Variants in DLGAP2 observed in about 807,000 individuals in gnomAD.
DLGAP2 encodes disks large-associated protein 2.
Under a neutral mutation model 100.3 loss-of-function variants are expected in DLGAP2, and 26 were observed. The observed-to-expected ratio is 0.26, with a 90% CI of 0.19 to 0.36. DLGAP2 has a LOEUF of 0.36. DLGAP2 is among the 10% of genes least tolerant of loss of function. DLGAP2 has a pLI of 1.00. For synonymous variants in DLGAP2, 886 were observed against 630.1 expected, an observed-to-expected ratio of 1.41 and a Z score of -6.08; for missense variants, 1,858 against 1,453.2, an observed-to-expected ratio of 1.28 and a Z score of -4.53.
intron 1 of DLGAP2, among the ~76,000 whole-genome samples, chr8:803,624 T>C (rs1210908750): frequency 6.6e-6 from 1 of 151,954 alleles, no homozygotes; most frequent in Non-Finnish European, 1.5e-5. Context: ...GTGGGTTCAT[T>C]CTTTTATAAA....
intron 3 of DLGAP2, among the ~76,000 whole-genome samples, chr8:1,435,354 C>T (rs1462248294): frequency 6.6e-6 from 1 of 152,180 alleles, no homozygotes; most frequent in African/African-American, 2.4e-5. Context: ...TCACGCACCG[C>T]ACACGGGTGT....
intron 4 of DLGAP2, among the ~76,000 whole-genome samples, chr8:1,520,471 C>T (rs184965067): frequency 6.6e-5 from 10 of 152,280 alleles, no homozygotes; most frequent in African/African-American, 1.2e-4. Flanking sequence ...TCAGGGGTCA[C>T]GCTTGGCATG....
chr8:800,463 G>A (rs1364507375), intron 1 of DLGAP2, among the ~76,000 whole-genome samples: 2 of 152,164 alleles, frequency 1.3e-5, no homozygotes, highest in African/African-American at 4.8e-5. Context: ...CTCTCATGGC[G>A]GAGCAGCCTC....
At chr8:1,680,133 G>A (rs1798910335) in intron 12 of DLGAP2, among the ~76,000 whole-genome samples, 1 of 152,104 alleles carries the variant, frequency 6.6e-6, no homozygotes, top group South Asian at 2.1e-4. Context: ...GTTTAACACA[G>A]TACAATTTCA....
At chr8:1,197,146 C>T (rs1225396826) in intron 2 of DLGAP2, among the ~76,000 whole-genome samples, 1 of 152,226 alleles carries the variant, frequency 6.6e-6, no homozygotes, top group African/African-American at 2.4e-5. Flanking sequence ...ATTGCAGAGT[C>T]CAGTGCAGGT....
At chr8:1,561,331 G>A (rs998243795) in intron 5 of DLGAP2, among the ~76,000 whole-genome samples, 2 of 152,092 alleles carry the variant, frequency 1.3e-5, no homozygotes, top group African/African-American at 4.8e-5. Context: ...CTTTCAGCGC[G>A]GTCTGTATTC....
intron 2 of DLGAP2, among the ~76,000 whole-genome samples, chr8:1,063,208 C>T (rs1803141336): frequency 6.6e-6 from 1 of 152,194 alleles, no homozygotes; most frequent in Non-Finnish European, 1.5e-5. Context: ...GTCATTAAGA[C>T]CAACAACCTC....
intron 1 of DLGAP2, among the ~76,000 whole-genome samples, chr8:838,090 G>T (rs1308133193): frequency 6.6e-6 from 1 of 152,004 alleles, no homozygotes; most frequent in African/African-American, 2.4e-5. Context: ...TGTGGATCCT[G>T]TAGTGTGGAC....
intron 2 of DLGAP2, among the ~76,000 whole-genome samples, chr8:1,162,690 A>C (rs926531634): frequency 6.6e-6 from 1 of 152,220 alleles, no homozygotes; most frequent in Non-Finnish European, 1.5e-5. Flanking sequence ...TAATTCCATA[A>C]TATAGTTTAG....
intron 6 of DLGAP2, among the ~76,000 whole-genome samples, chr8:1,590,057 G>A (rs926096793): frequency 3.9e-5 from 6 of 152,146 alleles, no homozygotes; most frequent in South Asian, 2.1e-4. Flanking sequence ...CCCTCCTTCC[G>A]CCTCAGTGTC....
intron 3 of DLGAP2, among the ~76,000 whole-genome samples, chr8:1,411,146 A>G (rs1351287057): frequency 6.6e-6 from 1 of 152,138 alleles, no homozygotes; most frequent in African/African-American, 2.4e-5. Flanking sequence ...AACATCTCCT[A>G]ATTAAAATCG....
chr8:1,444,951 T>C (rs1164070690), intron 3 of DLGAP2, among the ~76,000 whole-genome samples: 1 of 151,730 alleles, frequency 6.6e-6, no homozygotes, highest in African/African-American at 2.4e-5. Flanking sequence ...TTTGTATTTT[T>C]AGTAGAGACA....
At chr8:1,331,684 G>C (rs190118216) in intron 3 of DLGAP2, among the ~76,000 whole-genome samples, 1 of 152,136 alleles carries the variant, frequency 6.6e-6, no homozygotes, top group Non-Finnish European at 1.5e-5. Context: ...AAAATATCCC[G>C]GATGTGAAAG....
At chr8:1,325,988 C>T (rs767390709) in intron 3 of DLGAP2, among the ~76,000 whole-genome samples, 4 of 152,128 alleles carry the variant, frequency 2.6e-5, no homozygotes, top group Admixed American at 2.0e-4. Context: ...TTTCTGCCTC[C>T]GGGTTAGCCA....
At chr8:1,417,100 G>A (rs1306466261) in intron 3 of DLGAP2, among the ~76,000 whole-genome samples, 4 of 151,488 alleles carry the variant, frequency 2.6e-5, no homozygotes, top group African/African-American at 9.7e-5. Flanking sequence ...GGGATGGGGG[G>A]GTGGGGGGGA....
At position 1,441,265 on chromosome 8, in the gene DLGAP2, CGTT is replaced by C. The variant is rs1176927593; in HGVS notation, c.107-60098_107-60096del. ...ATTTAATTATGTATATACTGCTTAT[CGTT>C]GTATTTTAAAATTGCATAAAATTAC... On this transcript the variant is annotated intron_variant, in intron 3 of 14. Transcript: ENST00000637795. 3.9e-5 allele frequency among the ~76,000 whole-genome samples: 6 copies of C among 152,116 alleles called. No individual in the cohort carries two copies. In the East Asian group the frequency reaches 9.6e-4, roughly 24 times the overall value.
chr8:1,083,990 C>T (rs908690626), intron 2 of DLGAP2, among the ~76,000 whole-genome samples: 3 of 151,960 alleles, frequency 2.0e-5, no homozygotes, highest in African/African-American at 7.3e-5. Flanking sequence ...AAGATAGGAC[C>T]CTGTGATTGT....
rs765813855 is a variant in DLGAP2, at chr8:1,626,782, C to G, written c.1485C>G (p.His495Gln). Reference protein sequence around the residue: ...LQAASDVPVGHSLDPAANYNS... With the variant: ...LQAASDVPVGQSLDPAANYNS... ...CTGCAAGCGATGTGCCTGTGGGACA[C>G]AGCCTGGACCCCGCTGCGAACTACA... is the stretch of plus-strand genomic sequence containing the variant. Residue 495 changes from histidine to glutamine, a missense_variant, in exon 7 of 15, where the codon CAC (histidine) becomes CAG (glutamine). Physicochemically the swap from His to Gln is conservative, Grantham distance 24. Coordinates refer to ENST00000637795, the MANE Select transcript of DLGAP2 (RefSeq NM_001346810.2). 1.2e-6 allele frequency: 2 copies of G among 1,603,934 alleles called. No individual in the cohort carries two copies. Among genetic ancestry groups the G allele is most frequent in the South Asian group, 2.3e-5 (2 of 88,336 alleles).
chr8:1,273,568 C>A (rs911235205), intron 3 of DLGAP2, among the ~76,000 whole-genome samples: 4 of 152,208 alleles, frequency 2.6e-5, no homozygotes, highest in Admixed American at 2.6e-4. Context: ...CTGCTTCAGA[C>A]GTGCCGTGAC....
Sources: allele counts gnomAD v4.1 joint callset (sites outside exome capture counted in the v4.1 genomes callset), GRCh38; gene constraint gnomAD v4.1.1; transcripts MANE v1.5; gene names NCBI Gene and HGNC (gene_info 2026-07-23, HGNC 2026-07-21).